The following PLCG2 variants were observed in gnomAD, a reference collection of about 807,000 sequenced individuals.
The protein encoded by PLCG2 is 1-phosphatidylinositol 4,5-bisphosphate phosphodiesterase gamma-2.
PLCG2 carries 69 observed loss-of-function variants against 175.6 expected under a neutral mutation model. That is an observed-to-expected ratio of 0.39 (90% CI 0.32 to 0.48). The LOEUF is 0.48. Among genes scored for constraint, PLCG2 ranks in the 20% least tolerant of loss-of-function variants. The pLI is 0.91. For missense variants in PLCG2, 1,798 were observed against 1,650.9 expected (o/e 1.09, Z -1.54); for synonymous variants, 827 against 624.0 (o/e 1.33, Z -4.85).
chr16:81,939,346 C>A (rs113528192), intron 29 of PLCG2, among the ~76,000 whole-genome samples: 1 of 152,284 alleles, frequency 6.6e-6, no homozygotes, highest in East Asian at 1.9e-4. Context: ...GCTTGCTCTT[C>A]CAGGAAAAGC....
chr16:81,758,585 A>G (rs1464355844), intron 2 of PLCG2, among the ~76,000 whole-genome samples: 5 of 151,978 alleles, frequency 3.3e-5, no homozygotes, highest in Non-Finnish European at 5.9e-5. Context: ...ACTATTTTCC[A>G]CAGCAGCTGC....
chr16:81,787,248 G>A (rs1313578719), intron 2 of PLCG2, among the ~76,000 whole-genome samples: 3 of 151,844 alleles, frequency 2.0e-5, no homozygotes, highest in African/African-American at 7.3e-5. Flanking sequence ...TTGAGACAAG[G>A]TCTCTTTCTT....
At chr16:81,917,831 C>T (rs1159892558) in intron 19 of PLCG2, among the ~76,000 whole-genome samples, 2 of 152,228 alleles carry the variant, frequency 1.3e-5, no homozygotes, top group Non-Finnish European at 2.9e-5. Flanking sequence ...ACGCCATTCT[C>T]TTGCCTCAGC....
At chr16:81,768,105 G>C (rs1910193645) in intron 2 of PLCG2, among the ~76,000 whole-genome samples, 1 of 152,120 alleles carries the variant, frequency 6.6e-6, no homozygotes, top group Admixed American at 6.6e-5. Flanking sequence ...GACCAGGCTG[G>C]TCTTGAACTT....
chr16:81,892,870 C>A (rs1007478612), intron 11 of PLCG2, among the ~76,000 whole-genome samples: 26 of 143,884 alleles, frequency 1.8e-4, no homozygotes, highest in Admixed American at 1.4e-4. Context: ...TTTTTTGAGA[C>A]AGAGTCTCAC....
At chr16:81,919,066 T>C (rs1036279121) in intron 19 of PLCG2, among the ~76,000 whole-genome samples, 2 of 152,216 alleles carry the variant, frequency 1.3e-5, no homozygotes, top group Admixed American at 6.5e-5. Context: ...ACAACTCTGC[T>C]GTTACAGTGT....
chr16:81,887,162 C>T (rs996844568), intron 9 of PLCG2, among the ~76,000 whole-genome samples: 1 of 151,336 alleles, frequency 6.6e-6, no homozygotes, highest in Admixed American at 6.6e-5. Context: ...CTCTGTCACA[C>T]AGGCTGGAGT....
In PLCG2 at chr16:81,806,344, C is replaced by G. The variant is rs76297459; in HGVS notation, c.193+20162C>G. 6.4e-3 allele frequency among the ~76,000 whole-genome samples: 981 copies of G among 152,168 alleles called. 8 individuals are homozygous for G. The highest frequency in any genetic ancestry group is 0.023 in the African/African-American group (937 of 41,508). On this transcript the variant is annotated intron_variant, in intron 2 of 32. Transcript: ENST00000564138. ...TAGTGGTGCTCCCTGTGTGTGTGAT[C>G]AGGTAGCTTTAATTTCCCACAGAGA...
At position 81,958,257 on chromosome 16, in the gene PLCG2, T is replaced by A. The variant is rs553184218; in HGVS notation, c.*259T>A. The A allele has an allele frequency of 6.0e-6, 3 of 498,162 alleles. No individual in the cohort carries two copies. Among genetic ancestry groups the A allele is most frequent in the Non-Finnish European group, 1.1e-5 (3 of 276,826 alleles). The allele number at this position is 498,162 out of a possible 1,614,324, so 30.9% of individuals were successfully genotyped here. ...TGCTCCTCATTTTTGGCCTCTCATG[T>A]TCCAAACCTCATTGAATAAAAGCAA... On this transcript the variant is annotated 3_prime_UTR_variant, in exon 33 of 33. Coordinates refer to ENST00000564138, the MANE Select transcript of PLCG2 (RefSeq NM_002661.5).
At chr16:81,872,746 G>A (rs1267655282) in intron 7 of PLCG2, among the ~76,000 whole-genome samples, 1 of 152,206 alleles carries the variant, frequency 6.6e-6, no homozygotes, top group Non-Finnish European at 1.5e-5. Flanking sequence ...GGTGGCTGTG[G>A]TTTCTGCAGT....
intron 26 of PLCG2, chr16:81,935,899 T>A: frequency 1.0e-6 from 1 of 985,186 alleles, no homozygotes; most frequent in Non-Finnish European, 1.2e-6. Context: ...TGTTCAAGGA[T>A]GGTGATAGTT....
At chr16:81,860,913 G>T (rs1044192506) in intron 5 of PLCG2, among the ~76,000 whole-genome samples, 1 of 152,068 alleles carries the variant, frequency 6.6e-6, no homozygotes, top group African/African-American at 2.4e-5. Flanking sequence ...GGAGGTGGAG[G>T]TTGCAGTGAG....
rs187454354 is a variant in PLCG2, at chr16:81,919,590, G to A, written c.2161G>A (p.Glu721Lys). 3,120 of 1,614,074 alleles carry A rather than the reference G, an allele frequency of 1.9e-3. 87 individuals carry two copies. The Admixed American group carries it at 0.044, about 23-fold the overall frequency. ...TCTGGTGGAGCTCGTCAGTTACTAC[G>A]AGAAGCATTCACTCTACCGAAAGAT... is the stretch of plus-strand genomic sequence containing the variant. ...ESLVELVSYY[E>K]KHSLYRKMRL... Residue 721 changes from glutamate to lysine, a missense_variant, in exon 20 of 33, where the codon GAG (glutamate) becomes AAG (lysine). Coordinates refer to ENST00000564138, the MANE Select transcript of PLCG2 (RefSeq NM_002661.5).
At position 81,937,803 on chromosome 16, in the gene PLCG2, G is replaced by A. The variant is rs760293225; in HGVS notation, c.3098G>A (p.Arg1033His). The A allele has an allele frequency of 9.3e-6, 15 of 1,613,626 alleles. No individual in the cohort carries two copies. The highest frequency in any genetic ancestry group is 4.5e-5 in the East Asian group (2 of 44,882). Residue 1033 changes from arginine to histidine, a missense_variant, in exon 28 of 33, where the codon CGC (arginine) becomes CAC (histidine). Physicochemically the swap from Arg to His is conservative, Grantham distance 29. Transcript: ENST00000564138. Reference protein sequence around the residue: ...MNHALFSLNGRTGYVLQPESM... With the variant: ...MNHALFSLNGHTGYVLQPESM... ...CACGCATTGTTTTCTCTCAATGGGC[G>A]CACGGGCTACGTTCTGCAGCCTGAG...
Position 81,786,167 on chromosome 16 carries a change from AAGATCG to A in PLCG2, c.181_186del (p.Ile61_Glu62del). The A allele has an allele frequency of 1.2e-6, 2 of 1,614,012 alleles. No homozygotes were observed. Among genetic ancestry groups the A allele is most frequent in the Non-Finnish European group, 1.7e-6 (2 of 1,179,976 alleles). ...GGTGGCCTGGAGCAAGACCGCTGAC[AAGATCG>A]AGGGCTTCTGTGAGTACTCGCTGGG... On this transcript the variant is annotated inframe_deletion, in exon 2 of 33. Transcript: ENST00000564138.
At chr16:81,845,722 G>A (rs1487698625) in intron 2 of PLCG2, among the ~76,000 whole-genome samples, 1 of 152,164 alleles carries the variant, frequency 6.6e-6, no homozygotes, top group East Asian at 1.9e-4. Flanking sequence ...GTGGGTAGTG[G>A]GATCATCATT....
chr16:81,790,516 G>A (rs992182061), intron 2 of PLCG2, among the ~76,000 whole-genome samples: 4 of 152,182 alleles, frequency 2.6e-5, no homozygotes, highest in Non-Finnish European at 5.9e-5. Context: ...GAAGGGTGAC[G>A]TTTTATCTCA....
At chr16:81,949,836 G>A (rs137923686) in intron 31 of PLCG2, among the ~76,000 whole-genome samples, 2 of 152,156 alleles carry the variant, frequency 1.3e-5, no homozygotes, top group Non-Finnish European at 2.9e-5. Context: ...GCAAAGGCAT[G>A]GAAAGGTAAA....
At chr16:81,824,597 C>G (rs756400554) in intron 2 of PLCG2, among the ~76,000 whole-genome samples, 1 of 152,222 alleles carries the variant, frequency 6.6e-6, no homozygotes, top group Non-Finnish European at 1.5e-5. Flanking sequence ...GTGTGCCACA[C>G]TGGTGAGATA....
Sources: gnomAD v4.1 joint callset for allele counts (sites outside exome capture counted in the v4.1 genomes callset) on GRCh38, gnomAD v4.1.1 for gene constraint, MANE v1.5 for transcripts, NCBI Gene and HGNC (gene_info 2026-07-23, HGNC 2026-07-21) for gene names.